The following BFAR variants were observed in gnomAD, a reference collection of about 807,000 sequenced individuals.
BFAR encodes the protein bifunctional apoptosis regulator.
BFAR carries 52 observed loss-of-function variants against 54.4 expected under a neutral mutation model. The observed-to-expected ratio is 0.96, with a 90% confidence interval of 0.77 to 1.21. The LOEUF (loss-of-function observed/expected upper bound fraction) is 1.21. Among genes scored for constraint, BFAR ranks in the 50% most tolerant of loss-of-function variants. BFAR has a pLI of 0.00. For synonymous variants in BFAR, 215 were observed against 204.3 expected, an observed-to-expected ratio of 1.05 and a Z score of -0.45; for missense variants, 571 against 534.0, an observed-to-expected ratio of 1.07 and a Z score of -0.68.
At chr16:14,634,115 G>A (rs1186103261) in intron 1 of BFAR, among the ~76,000 whole-genome samples, 2 of 152,172 alleles carry the variant, frequency 1.3e-5, no homozygotes, top group East Asian at 1.9e-4. Context: ...GTCGCCATTG[G>A]GTCCTCCCCG....
Position 14,661,889 on chromosome 16 carries a change from C to G in BFAR, c.784-3C>G. Reference sequence around the variant, plus strand: ...TGTGGCCCTGTACTCTTCTCCTCTGCAGGCTGTGAACCCAGGCAGGTCCCT... The same window carrying G: ...TGTGGCCCTGTACTCTTCTCCTCTGGAGGCTGTGAACCCAGGCAGGTCCCT... On this transcript the variant is annotated splice_region_variant and splice_polypyrimidine_tract_variant and intron_variant, in intron 5 of 7. Coordinates refer to ENST00000261658, the MANE Select transcript of BFAR (RefSeq NM_016561.3). 6.2e-6 allele frequency: 10 copies of G among 1,614,082 alleles called. No homozygotes were observed. Among genetic ancestry groups the G allele is most frequent in the Non-Finnish European group, 8.5e-6 (10 of 1,179,966 alleles).
rs913305193 is a variant in BFAR, at chr16:14,668,372, G to A, written c.*545G>A. 2 of 153,290 alleles carry A rather than the reference G, an allele frequency of 1.3e-5. No individual in the cohort carries two copies. Among genetic ancestry groups the A allele is most frequent in the African/African-American group, 2.4e-5 (1 of 41,446 alleles). 9.5% of individuals were successfully genotyped at this position (153,290 alleles called of 1,614,324 possible). The stretch of plus-strand genomic sequence containing the variant: ...ATCAACAATTCTGTCTTATTGAAGA[G>A]TTGCTAGGATTCAGAGTAAAACTCA... On this transcript the variant is annotated 3_prime_UTR_variant, in exon 8 of 8. Coordinates refer to ENST00000261658, the MANE Select transcript of BFAR (RefSeq NM_016561.3).
chr16:14,638,467 T>C (rs1272409164), intron 1 of BFAR, among the ~76,000 whole-genome samples: 2 of 152,240 alleles, frequency 1.3e-5, no homozygotes, highest in Admixed American at 1.3e-4. Flanking sequence ...TCTTAAAATA[T>C]TAGCCATATA....
chr16:14,667,842 G>A lies in BFAR; in HGVS notation c.*15G>A. 6.2e-7 allele frequency: 1 copy of A among 1,610,800 alleles called. No homozygotes were observed. Among genetic ancestry groups the A allele is most frequent in the Non-Finnish European group, 8.5e-7 (1 of 1,177,202 alleles). On this transcript the variant is annotated 3_prime_UTR_variant, in exon 8 of 8. Transcript: ENST00000261658. The stretch of plus-strand genomic sequence containing the variant: ...AGGTGTTGTGACTGGCACTGCCCAG[G>A]CTGAGACTCTTCAAGTCCCGCTGAC...
intron 4 of BFAR, 30 bp from the exon 5 acceptor site, chr16:14,655,036 C>CA (rs1338964264): frequency 6.3e-7 from 1 of 1,577,142 alleles, no homozygotes; most frequent in Admixed American, 2.0e-5. Context: ...TATATAATCG[C>CA]AAAATAAATC....
chr16:14,665,246 G>A, intron 7 of BFAR, 175 bp downstream of exon 7: 1 of 641,836 alleles, frequency 1.6e-6, no homozygotes. Context: ...CTGTGTTTTG[G>A]GGGTGGGGGT....
intron 5 of BFAR, among the ~76,000 whole-genome samples, chr16:14,657,102 C>A (rs1813527636): frequency 6.6e-6 from 1 of 151,736 alleles, no homozygotes; most frequent in South Asian, 2.1e-4. Flanking sequence ...GACACTGTCT[C>A]AAATGAAGAA....
chr16:14,658,939 C>G (rs1312362590), intron 5 of BFAR, among the ~76,000 whole-genome samples: 1 of 150,832 alleles, frequency 6.6e-6, no homozygotes, highest in Admixed American at 6.6e-5. Flanking sequence ...TGGAGTTTTG[C>G]TCTTGTCATC....
chr16:14,648,279 C>T, intron 2 of BFAR, 109 bp from the exon 3 acceptor site: 1 of 813,622 alleles, frequency 1.2e-6, no homozygotes, highest in Non-Finnish European at 1.9e-6. Context: ...TGTCAGTTCT[C>T]CTAGGGTAGC....
At position 14,649,843 on chromosome 16, in the gene BFAR, G is replaced by A. The variant is rs200969701; in HGVS notation, c.508G>A (p.Glu170Lys). The A allele has an allele frequency of 1.1e-4, 172 of 1,611,708 alleles. 1 individual carries two copies. The East Asian group carries it at 3.5e-3, about 33-fold the overall frequency. The change falls in exon 4 of 8, where the codon GAA (glutamate) becomes AAA (lysine). Residue 170 changes from glutamate to lysine, a missense_variant. Glu to Lys is a moderately conservative substitution (Grantham distance 56). Transcript: ENST00000261658. Reference protein sequence around the residue: ...LVYHWSSRESEHDLLVHKAVA... With the variant: ...LVYHWSSRESKHDLLVHKAVA... ...CTATCACTGGAGCAGCAGGGAATCT[G>A]AACACGACCTCCTGGTCCACAAGGC...
At position 14,667,828 on chromosome 16, in the gene BFAR, C is replaced by T. The variant is rs1960487406; in HGVS notation, c.*1C>T. 3 of 1,613,430 alleles carry T rather than the reference C, an allele frequency of 1.9e-6. No homozygotes were observed. Among genetic ancestry groups the T allele is most frequent in the East Asian group, 2.2e-5 (1 of 44,894 alleles). ...GCGGCTGGAAACCCAGGTGTTGTGA[C>T]TGGCACTGCCCAGGCTGAGACTCTT... is the stretch of plus-strand genomic sequence containing the variant. On this transcript the variant is annotated 3_prime_UTR_variant, in exon 8 of 8. Transcript: ENST00000261658.
intron 5 of BFAR, among the ~76,000 whole-genome samples, chr16:14,659,711 C>T (rs1055978272): frequency 2.6e-5 from 4 of 151,208 alleles, no homozygotes; most frequent in African/African-American, 9.7e-5. Flanking sequence ...CCACCATGCC[C>T]GGCTAATTTT....
chr16:14,656,378 A>G (rs1960129224), intron 5 of BFAR, among the ~76,000 whole-genome samples: 1 of 151,932 alleles, frequency 6.6e-6, no homozygotes, highest in Admixed American at 6.6e-5. Flanking sequence ...GTACAGACAC[A>G]AAAAAAATTA....
chr16:14,665,293 C>T, intron 7 of BFAR: 2 of 492,382 alleles, frequency 4.1e-6, no homozygotes, highest in Non-Finnish European at 7.3e-6. Context: ...TCCTATATGT[C>T]TTATCTCTAT....
rs1959916164 is a variant in BFAR, at chr16:14,649,868, C to A, written c.533C>A (p.Ala178Asp). 6.2e-7 allele frequency: 1 copy of A among 1,613,376 alleles called. No individual in the cohort carries two copies. The highest frequency in any genetic ancestry group is 1.3e-5 in the African/African-American group (1 of 74,922). ...GAACACGACCTCCTGGTCCACAAGG[C>A]TGTGGCCAAATGGACGGCGGAAGAA... ...ESEHDLLVHK[A>D]VAKWTAEEVV... The change falls in exon 4 of 8, where the codon GCT becomes GAT. Residue 178 changes from alanine (A) to aspartate (D), a missense_variant. By Grantham distance (126) the Ala-to-Asp change is moderately radical. Coordinates refer to ENST00000261658, the MANE Select transcript of BFAR (RefSeq NM_016561.3).
intron 4 of BFAR, among the ~76,000 whole-genome samples, chr16:14,653,043 G>A (rs577023985): frequency 1.1e-4 from 16 of 152,096 alleles, no homozygotes; most frequent in African/African-American, 3.1e-4. Flanking sequence ...TTCACCTCCC[G>A]CAAAATTATG....
chr16:14,649,070 CT>C (rs544187036), intron 3 of BFAR, among the ~76,000 whole-genome samples: 5,743 of 104,576 alleles, frequency 0.055, 86 homozygotes, highest in African/African-American at 0.12. Context: ...ATCTCTTGCT[CT>C]TTTTTTTTTT....
intron 5 of BFAR, among the ~76,000 whole-genome samples, 182 bp from the exon 6 acceptor site, chr16:14,661,710 G>A (rs1044715264): frequency 1.3e-5 from 2 of 152,094 alleles, no homozygotes; most frequent in Non-Finnish European, 1.5e-5. Context: ...CGCCAAGATC[G>A]AATCTTTATA....
intron 1 of BFAR, among the ~76,000 whole-genome samples, chr16:14,637,085 A>G (rs1392236631): frequency 2.0e-5 from 3 of 151,978 alleles, no homozygotes; most frequent in Non-Finnish European, 4.4e-5. Context: ...TAACAATCTG[A>G]TCTCTCTTTC....
Sources: gnomAD v4.1 joint callset for allele counts (sites outside exome capture counted in the v4.1 genomes callset) on GRCh38, gnomAD v4.1.1 for gene constraint, MANE v1.5 for transcripts, NCBI Gene and HGNC (gene_info 2026-07-23, HGNC 2026-07-21) for gene names.